The following RABGAP1L variants were observed in gnomAD, a reference collection of about 807,000 sequenced individuals.
The protein encoded by RABGAP1L is rab GTPase-activating protein 1-like.
Under a neutral mutation model 137.7 loss-of-function variants are expected in RABGAP1L, and 63 were observed. The observed-to-expected ratio is 0.46, with a 90% CI of 0.37 to 0.56. RABGAP1L has a LOEUF of 0.56. Ranked by LOEUF, RABGAP1L falls within the 20% of genes least tolerant of loss-of-function variation. The pLI, the probability that RABGAP1L is intolerant of heterozygous loss-of-function variation, is 0.00. For missense variants in RABGAP1L, 1,095 were observed against 1,244.0 expected (o/e 0.88, Z 1.80); for synonymous variants, 431 against 433.7 (o/e 0.99, Z 0.08).
chr1:174,914,348 A>C (rs1660517884), intron 19 of RABGAP1L, among the ~76,000 whole-genome samples: 1 of 152,220 alleles, frequency 6.6e-6, no homozygotes, highest in Admixed American at 6.5e-5. Flanking sequence ...GTATCAAATG[A>C]CATATATCAC....
At chr1:174,950,425 C>T (rs1471923279) in intron 19 of RABGAP1L, among the ~76,000 whole-genome samples, 1 of 152,142 alleles carries the variant, frequency 6.6e-6, no homozygotes, top group African/African-American at 2.4e-5. Context: ...ACTTCTTTTG[C>T]TGACCACTAT....
chr1:174,637,556 A>AT lies in RABGAP1L; in HGVS notation c.1824+75dup, dbSNP rs984283230. 4.9e-5 allele frequency: 55 copies of AT among 1,126,928 alleles called. No homozygotes were observed. The African/African-American group carries it at 5.2e-4, about 11-fold the overall frequency. 69.8% of individuals were successfully genotyped at this position (1,126,928 alleles called of 1,614,324 possible). ...CTATATTTTAGAAACCCATTTAAGG[A>AT]TTTTTTTACTCTGTCTTCATTTCTT... On this transcript the variant is annotated intron_variant, in intron 14 of 25. Transcript: ENST00000681986.
chr1:174,870,801 G>A (rs1652056091), intron 19 of RABGAP1L, among the ~76,000 whole-genome samples: 2 of 150,302 alleles, frequency 1.3e-5, no homozygotes, highest in Non-Finnish European at 3.0e-5. Context: ...GCAGTGGTGC[G>A]ATCTTAGCTT....
chr1:174,688,108 A>G (rs1207326904), intron 15 of RABGAP1L, among the ~76,000 whole-genome samples: 2 of 152,190 alleles, frequency 1.3e-5, no homozygotes, highest in South Asian at 2.1e-4. Flanking sequence ...TGCAACCATT[A>G]TAATGTTCAA....
chr1:174,436,226 G>A (rs963598086), intron 13 of RABGAP1L, among the ~76,000 whole-genome samples: 12 of 152,258 alleles, frequency 7.9e-5, no homozygotes, highest in Admixed American at 5.9e-4. Context: ...CTGAGGAATT[G>A]CCACACTGAC....
At chr1:174,524,105 G>A (rs1663665433) in intron 13 of RABGAP1L, among the ~76,000 whole-genome samples, 1 of 152,120 alleles carries the variant, frequency 6.6e-6, no homozygotes, top group African/African-American at 2.4e-5. Context: ...GCAAGTACAG[G>A]TATCCCTTTG....
At chr1:174,305,785 C>T (rs915293094) in intron 11 of RABGAP1L, among the ~76,000 whole-genome samples, 3 of 148,922 alleles carry the variant, frequency 2.0e-5, no homozygotes, top group Non-Finnish European at 3.0e-5. Flanking sequence ...ATTTTTAATA[C>T]TTTAAGTTCT....
chr1:174,370,910 G>T (rs558324849), intron 11 of RABGAP1L, 69 bp from the exon 12 acceptor site: 3 of 765,250 alleles, frequency 3.9e-6, no homozygotes, highest in East Asian at 3.0e-5. Flanking sequence ...CATGTTTATT[G>T]TATGATATAT....
At chr1:174,247,447 A>G (rs1363549574) in intron 5 of RABGAP1L, among the ~76,000 whole-genome samples, 1 of 152,220 alleles carries the variant, frequency 6.6e-6, no homozygotes, top group African/African-American at 2.4e-5. Context: ...TATAGAGATG[A>G]AAAGGGATCC....
chr1:174,876,115 G>A (rs1558178295), intron 19 of RABGAP1L, among the ~76,000 whole-genome samples: 1 of 152,062 alleles, frequency 6.6e-6, no homozygotes, highest in African/African-American at 2.4e-5. Flanking sequence ...TCATGTTAAT[G>A]TAGATGAAAA....
At chr1:174,862,788 G>A (rs1650471894) in intron 19 of RABGAP1L, among the ~76,000 whole-genome samples, 1 of 152,066 alleles carries the variant, frequency 6.6e-6, no homozygotes, top group Admixed American at 6.6e-5. Flanking sequence ...GTAAAGGCTT[G>A]AAGGATTTAC....
chr1:174,372,092 A>G (rs1268023168), intron 12 of RABGAP1L, among the ~76,000 whole-genome samples: 1 of 152,170 alleles, frequency 6.6e-6, no homozygotes, highest in African/African-American at 2.4e-5. Flanking sequence ...ATTTCATTTT[A>G]TGTATCCTTA....
At chr1:174,771,472 C>CAA (rs879895715) in intron 18 of RABGAP1L, among the ~76,000 whole-genome samples, 1 of 142,328 alleles carries the variant, frequency 7.0e-6, no homozygotes, top group African/African-American at 2.6e-5. Context: ...GCCTCTTTTA[C>CAA]AAAAAAAAAA....
intron 18 of RABGAP1L, chr1:174,800,241 G>A (rs1471727693): frequency 6.9e-7 from 1 of 1,455,074 alleles, no homozygotes; most frequent in East Asian, 2.6e-5. Flanking sequence ...GTCCTCCCAG[G>A]GAGACCTAAA....
chr1:174,605,213 TG>T (rs1194791932), intron 13 of RABGAP1L, among the ~76,000 whole-genome samples: 1 of 152,178 alleles, frequency 6.6e-6, no homozygotes, highest in Admixed American at 6.5e-5. Flanking sequence ...CCTTGTTTGA[TG>T]GGAGGAATGA....
chr1:174,840,966 T>A (rs915394827), intron 19 of RABGAP1L, among the ~76,000 whole-genome samples: 4 of 152,090 alleles, frequency 2.6e-5, no homozygotes, highest in Non-Finnish European at 4.4e-5. Context: ...TGGAAAAGTT[T>A]TAAATAAGGC....
At chr1:174,678,803 T>C (rs960037271) in intron 14 of RABGAP1L, among the ~76,000 whole-genome samples, 2 of 152,148 alleles carry the variant, frequency 1.3e-5, no homozygotes, top group East Asian at 3.9e-4. Flanking sequence ...GCACTTAGCC[T>C]GCACAGGAAC....
intron 19 of RABGAP1L, among the ~76,000 whole-genome samples, chr1:174,849,333 C>T (rs528180587): frequency 6.6e-4 from 100 of 152,216 alleles, no homozygotes; most frequent in Non-Finnish European, 1.3e-3. Context: ...GACAGTAAAA[C>T]TTAAATGAGG....
intron 19 of RABGAP1L, among the ~76,000 whole-genome samples, chr1:174,942,166 G>A: frequency 6.6e-6 from 1 of 152,180 alleles, no homozygotes; most frequent in South Asian, 2.1e-4. Flanking sequence ...AGCCATTAGT[G>A]CAAAGACACA....
Sources: gnomAD v4.1 joint callset for allele counts (sites outside exome capture counted in the v4.1 genomes callset) on GRCh38, gnomAD v4.1.1 for gene constraint, MANE v1.5 for transcripts, NCBI Gene and HGNC (gene_info 2026-07-23, HGNC 2026-07-21) for gene names.